The following ASL variants were observed in gnomAD, a reference collection of about 807,000 sequenced individuals.
ASL encodes argininosuccinase.
Under a neutral mutation model 69.1 loss-of-function variants are expected in ASL, and 51 were observed. The observed-to-expected ratio is 0.74, with a 90% CI of 0.59 to 0.93. The LOEUF is 0.93. Ranked by LOEUF, ASL falls within the 40% of genes least tolerant of loss-of-function variation. ASL has a pLI of 0.00. For missense variants in ASL, 540 were observed against 623.9 expected, an observed-to-expected ratio of 0.87 and a Z score of 1.43; for synonymous variants, 241 against 247.6, an observed-to-expected ratio of 0.97 and a Z score of 0.25.
chr7:66,078,626 CTTA>C (rs140699491), intron 2 of ASL, among the ~76,000 whole-genome samples: 7 of 151,220 alleles, frequency 4.6e-5, no homozygotes, highest in East Asian at 1.9e-4. Context: ...TTATCCTTAT[CTTA>C]TTATTATTAT....
intron 5 of ASL, 33 bp from the exon 6 acceptor site, chr7:66,083,044 G>A (rs199748156): frequency 8.1e-6 from 13 of 1,612,722 alleles, no homozygotes; most frequent in Middle Eastern, 1.6e-4. Flanking sequence ...GCAACACATC[G>A]GCCTCCCTGA....
intron 6 of ASL, among the ~76,000 whole-genome samples, chr7:66,085,610 CTT>C (rs76552002): frequency 1.5e-4 from 22 of 144,064 alleles, no homozygotes; most frequent in Admixed American, 1.4e-4. Flanking sequence ...AAGACCCCAT[CTT>C]TTTTTTTTTT....
At chr7:66,089,488 G>T (rs781367717) in intron 13 of ASL, 124 bp from the exon 14 acceptor site, 14 of 1,427,912 alleles carry the variant, frequency 9.8e-6, no homozygotes, top group African/African-American at 2.8e-5. Context: ...CCCTTCCTTT[G>T]TTGGGGTATT....
At position 66,081,988 on chromosome 7, in the gene ASL, C is replaced by A; in HGVS notation, c.198C>A (p.Gly66=). The change falls in exon 3 of 17, where the codon GGC becomes GGA. Residue 66 remains glycine (G), a synonymous_variant. Coordinates refer to ENST00000304874, the MANE Select transcript of ASL (RefSeq NM_000048.4). ...CCGAGATGGACCAGATACTCCATGG[C>A]CTAGACAAGGTACTTGCCGTGGCCC... ...TKAEMDQILH[G]LDKVAEEWAQ... 6.2e-7 allele frequency: 1 copy of A among 1,608,170 alleles called. No homozygotes were observed. Among genetic ancestry groups the A allele is most frequent in the Admixed American group, 1.7e-5 (1 of 58,880 alleles).
At chr7:66,076,152 C>T in intron 2 of ASL, 59 bp downstream of exon 2, 1 of 1,563,874 alleles carries the variant, frequency 6.4e-7, no homozygotes, top group Non-Finnish European at 8.7e-7. Flanking sequence ...AGTGGGGGCG[C>T]CAGACCTGCC....
rs1786517154 is a variant in ASL, at chr7:66,081,980, C to T, written c.190C>T (p.Leu64Phe). ...LLTKAEMDQI[L>F]HGLDKVAEEW... ...CACCAAGGCCGAGATGGACCAGATA[C>T]TCCATGGCCTAGACAAGGTACTTGC... The change falls in exon 3 of 17, where the codon CTC (leucine) becomes TTC (phenylalanine). Residue 64 changes from leucine (L) to phenylalanine (F), a missense_variant. Leu to Phe is a conservative substitution (Grantham distance 22). Transcript: ENST00000304874. 2 of 1,610,304 alleles carry T rather than the reference C, an allele frequency of 1.2e-6. No individual in the cohort carries two copies. Among genetic ancestry groups the T allele is most frequent in the South Asian group, 1.1e-5 (1 of 90,390 alleles).
chr7:66,079,063 C>A (rs1044372830), intron 2 of ASL, among the ~76,000 whole-genome samples: 10 of 152,088 alleles, frequency 6.6e-5, no homozygotes, highest in African/African-American at 2.4e-4. Flanking sequence ...GCGCCCAACA[C>A]CCCCATGCCT....
chr7:66,092,105 G>A lies in ASL; in HGVS notation c.1143+19G>A. On this transcript the variant is annotated intron_variant, in intron 15 of 16. Transcript: ENST00000304874. ...CAAAGGGGTAAGTGTGTAGCAGCCAGGGGGAGGGTGAGGAGATGGGGTGCC... is the reference window on the plus strand; with the variant it reads ...CAAAGGGGTAAGTGTGTAGCAGCCAAGGGGAGGGTGAGGAGATGGGGTGCC... 6.2e-7 allele frequency: 1 copy of A among 1,608,248 alleles called. No individual in the cohort carries two copies. The highest frequency in any genetic ancestry group is 2.2e-5 in the East Asian group (1 of 44,860).
chr7:66,092,487 T>A, intron 15 of ASL, 70 bp from the exon 16 acceptor site: 3 of 1,311,384 alleles, frequency 2.3e-6, no homozygotes, highest in Admixed American at 1.9e-5. Context: ...AGGAAGGGGG[T>A]GCAGGCAATG....
At chr7:66,087,623 G>C in intron 9 of ASL, 106 bp from the exon 10 acceptor site, 1 of 1,195,966 alleles carries the variant, frequency 8.4e-7, no homozygotes, top group Non-Finnish European at 1.2e-6. Flanking sequence ...CCTCCCCCCA[G>C]CTGTTGCCCC....
Position 66,082,449 on chromosome 7 carries a change from A to C in ASL, c.289A>C (p.Lys97Gln). The C allele has an allele frequency of 2.5e-6, 4 of 1,609,246 alleles. No homozygotes were observed. Among genetic ancestry groups the C allele is most frequent in the Non-Finnish European group, 3.4e-6 (4 of 1,179,000 alleles). The change falls in exon 4 of 17, where the codon AAG (lysine) becomes CAG (glutamine). Residue 97 changes from lysine (K) to glutamine (Q), a missense_variant and splice_region_variant. Lys to Gln is a moderately conservative substitution (Grantham distance 53). Transcript: ENST00000304874. ...CCACACAGCCAATGAGCGCCGCCTG[A>C]AGGTACGACCCCTGGAGCCCCACCG... Reference protein sequence around the residue: ...DIHTANERRLKELIGATAGKL... With the variant: ...DIHTANERRLQELIGATAGKL...
At chr7:66,087,013 C>CCCTCCAGCAA (rs1786684767) in intron 8 of ASL, 192 bp downstream of exon 8, 1 of 757,180 alleles carries the variant, frequency 1.3e-6, no homozygotes, top group African/African-American at 1.8e-5. Context: ...AGGGCCAGAG[C>CCCTCCAGCAA]CCTCCAGCAA....
At chr7:66,091,538 C>T (rs867342716) in intron 14 of ASL, among the ~76,000 whole-genome samples, 2 of 151,914 alleles carry the variant, frequency 1.3e-5, no homozygotes, top group African/African-American at 2.4e-5. Flanking sequence ...CCAACATGGG[C>T]GACCCTGTCT....
chr7:66,082,864 C>T lies in ASL; in HGVS notation c.292-16C>T, dbSNP rs1786548768. ...GGGGGTATAGACCGTGACCCTGGGT[C>T]TCCCTTCACCTCCAGGAGCTCATTG... On this transcript the variant is annotated splice_polypyrimidine_tract_variant and intron_variant, in intron 4 of 16. Coordinates refer to ENST00000304874, the MANE Select transcript of ASL (RefSeq NM_000048.4). 1 of 1,613,374 alleles carries T rather than the reference C, an allele frequency of 6.2e-7. No homozygotes were observed. The highest frequency in any genetic ancestry group is 1.3e-5 in the African/African-American group (1 of 74,896).
chr7:66,087,353 C>A lies in ASL; in HGVS notation c.622C>A (p.Pro208Thr), dbSNP rs1202980866. The A allele has an allele frequency of 1.2e-6, 2 of 1,606,072 alleles. No individual in the cohort carries two copies. Among genetic ancestry groups the A allele is most frequent in the Non-Finnish European group, 1.7e-6 (2 of 1,179,892 alleles). Residue 208 changes from proline to threonine, a missense_variant, in exon 9 of 17, where the codon CCC (proline) becomes ACC (threonine). Coordinates refer to ENST00000304874, the MANE Select transcript of ASL (RefSeq NM_000048.4). ...CTGCAGTGGGGCCATTGCAGGCAATCCCCTGGGTGTGGACCGAGAGCTGCT... is the reference window on the plus strand; with the variant it reads ...CTGCAGTGGGGCCATTGCAGGCAATACCCTGGGTGTGGACCGAGAGCTGCT... ...PLGSGAIAGNPLGVDRELLRA... is the reference protein window; with the variant it reads ...PLGSGAIAGNTLGVDRELLRA...
In ASL at chr7:66,092,837, G is replaced by C; in HGVS notation, c.1320G>C (p.Leu440=). 1.2e-6 allele frequency: 2 copies of C among 1,613,594 alleles called. No homozygotes were observed. The highest frequency in any genetic ancestry group is 1.7e-6 in the Non-Finnish European group (2 of 1,179,988). The change falls in exon 17 of 17, where the codon CTG becomes CTC. Residue 440 remains leucine (L), a synonymous_variant. Transcript: ENST00000304874. ...YGHSVEQYGA[L]GGTARSSVDW... ...ACAGTGTGGAGCAGTATGGTGCCCT[G>C]GGCGGCACTGCGCGCTCCAGCGTCG...
rs559300988 is a variant in ASL, at chr7:66,088,594, C to T, written c.719-213C>T. On this transcript the variant is annotated intron_variant, in intron 10 of 16. Coordinates refer to ENST00000304874, the MANE Select transcript of ASL (RefSeq NM_000048.4). The stretch of plus-strand genomic sequence containing the variant: ...AAAACACGCTAGGTGCAATGGCTTA[C>T]GTTTGTAATCCTAGCACTTTGGGAG... Among the ~76,000 whole-genome samples, 4 of 152,170 alleles carry T rather than the reference C, an allele frequency of 2.6e-5. No individual in the cohort carries two copies. The South Asian group carries it at 6.2e-4, about 24-fold the overall frequency.
intron 2 of ASL, among the ~76,000 whole-genome samples, chr7:66,080,315 G>A (rs997258907): frequency 5.4e-5 from 8 of 146,844 alleles, no homozygotes; most frequent in Non-Finnish European, 1.2e-4. Flanking sequence ...GAATCTGGGA[G>A]GTGGAGCTTG....
chr7:66,087,259 T>G, intron 8 of ASL, 75 bp from the exon 9 acceptor site: 1 of 1,324,600 alleles, frequency 7.5e-7, no homozygotes, highest in Non-Finnish European at 1.1e-6. Flanking sequence ...TGTGTGTGTG[T>G]GTGTGTGTGT....
Sources: allele counts gnomAD v4.1 joint callset (sites outside exome capture counted in the v4.1 genomes callset), GRCh38; gene constraint gnomAD v4.1.1; transcripts MANE v1.5; gene names NCBI Gene and HGNC (gene_info 2026-07-23, HGNC 2026-07-21).